Variants in CCDC126 observed in about 807,000 individuals in gnomAD.
The protein encoded by CCDC126 is coiled-coil domain-containing protein 126.
Under a neutral mutation model 11.7 loss-of-function variants are expected in CCDC126, and 5 were observed. The observed-to-expected ratio is 0.43, with a 90% CI of 0.22 to 0.90. The LOEUF (loss-of-function observed/expected upper bound fraction) is 0.90. Ranked by LOEUF, CCDC126 falls within the 40% of genes least tolerant of loss-of-function variation. The probability of loss-of-function intolerance (pLI) is 0.27; values close to 1 mark genes in which losing one functional copy is unlikely to be tolerated. For missense variants in CCDC126, 150 were observed against 163.1 expected (o/e 0.92, Z 0.44); for synonymous variants, 60 against 61.9 (o/e 0.97, Z 0.14).
chr7:23,602,614 T>C (rs2128013904), intron 2 of CCDC126, among the ~76,000 whole-genome samples: 1 of 152,202 alleles, frequency 6.6e-6, no homozygotes, highest in South Asian at 2.1e-4. Context: ...CTGAGGAAAA[T>C]AGGAATAAGG....
At chr7:23,638,310 G>C (rs1783281189) in intron 3 of CCDC126, among the ~76,000 whole-genome samples, 1 of 146,092 alleles carries the variant, frequency 6.8e-6, no homozygotes, top group Non-Finnish European at 1.5e-5. Flanking sequence ...GAAATCGGAT[G>C]GTTGCCGGGT....
chr7:23,619,772 C>T (rs1782859057), intron 3 of CCDC126, among the ~76,000 whole-genome samples: 1 of 140,110 alleles, frequency 7.1e-6, no homozygotes, highest in South Asian at 2.3e-4. Context: ...TGATGTTCCC[C>T]TTCCTGTGTC....
At position 23,637,203 on chromosome 7, in the gene CCDC126, T is replaced by TG. The variant is rs1207219491; in HGVS notation, c.239-5721dup. 6.6e-5 allele frequency among the ~76,000 whole-genome samples: 2 copies of TG among 30,404 alleles called. 1 individual carries two copies. Among genetic ancestry groups the TG allele is most frequent in the Non-Finnish European group, 1.2e-4 (2 of 16,066 alleles). 19.9% of individuals were successfully genotyped at this position (30,404 alleles called of 152,430 possible). On this transcript the variant is annotated intron_variant, in intron 3 of 3. Transcript: ENST00000307471. The stretch of plus-strand genomic sequence containing the variant: ...CCAGCCGCCCCGTCCGGGAGGGAGG[T>TG]GGGGGGGTCAGCCCCCCGCCCGGCC...
At chr7:23,600,069 G>A (rs1782509134) in intron 2 of CCDC126, among the ~76,000 whole-genome samples, 1 of 152,230 alleles carries the variant, frequency 6.6e-6, no homozygotes, top group Non-Finnish European at 1.5e-5. Flanking sequence ...ACAGGCATGA[G>A]CCACCACGCC....
chr7:23,614,766 G>A (rs952309999), intron 3 of CCDC126, among the ~76,000 whole-genome samples: 1 of 152,178 alleles, frequency 6.6e-6, no homozygotes, highest in African/African-American at 2.4e-5. Context: ...ACATTGTCAA[G>A]GAGCAGTAAT....
At chr7:23,638,184 TCTGCCCGGC>T (rs1208174700) in intron 3 of CCDC126, among the ~76,000 whole-genome samples, 1 of 151,652 alleles carries the variant, frequency 6.6e-6, no homozygotes, top group Non-Finnish European at 1.5e-5. Context: ...GAGGAGCCCC[TCTGCCCGGC>T]CACGACCCCG....
intron 3 of CCDC126, among the ~76,000 whole-genome samples, chr7:23,626,858 A>G (rs1009029841): frequency 4.6e-5 from 7 of 152,252 alleles, no homozygotes; most frequent in Non-Finnish European, 8.8e-5. Flanking sequence ...ATTCAACTTT[A>G]TAATGACCTG....
At chr7:23,622,829 C>CT (rs1466068600) in intron 3 of CCDC126, 2 of 424,192 alleles carry the variant, frequency 4.7e-6, no homozygotes, top group African/African-American at 2.1e-5. Flanking sequence ...CATTCTAAAT[C>CT]TTACAAGACA....
At chr7:23,608,671 G>A (rs916746259) in intron 2 of CCDC126, among the ~76,000 whole-genome samples, 15 of 152,146 alleles carry the variant, frequency 9.9e-5, no homozygotes, top group African/African-American at 3.6e-4. Flanking sequence ...ATAATGAAGT[G>A]TATCTGACTG....
chr7:23,644,119 TAA>T lies in CCDC126; in HGVS notation c.*1005_*1006del, dbSNP rs1358804686. 1 of 152,004 alleles carries T rather than the reference TAA, an allele frequency of 6.6e-6. No individual in the cohort carries two copies. The highest frequency in any genetic ancestry group is 2.4e-5 in the African/African-American group (1 of 41,400). The allele number at this position is 152,004 out of a possible 1,614,324, so 9.4% of individuals were successfully genotyped here. ...TGGAAAATGTTAACATTATATTATA[TAA>T]GAGTATCCTTTATGAAATTTTGAAT... On this transcript the variant is annotated 3_prime_UTR_variant, in exon 4 of 4. Transcript: ENST00000307471.
chr7:23,617,312 C>G (rs1782809884), intron 3 of CCDC126, among the ~76,000 whole-genome samples: 1 of 130,650 alleles, frequency 7.7e-6, no homozygotes, highest in African/African-American at 3.0e-5. Context: ...TGCACCACTG[C>G]TCTCTAATCT....
intron 2 of CCDC126, 194 bp downstream of exon 2, chr7:23,598,245 A>G (rs1417832962): frequency 1.3e-5 from 2 of 152,242 alleles, no homozygotes; most frequent in African/African-American, 4.8e-5. Flanking sequence ...AATTAGGAAT[A>G]TAGACCTATA....
At position 23,611,249 on chromosome 7, in the gene CCDC126, G is replaced by T; in HGVS notation, c.-67G>T. 6 of 912,838 alleles carry T rather than the reference G, an allele frequency of 6.6e-6. No homozygotes were observed. The highest frequency in any genetic ancestry group is 1.4e-5 in the South Asian group (1 of 69,274). 56.5% of individuals were successfully genotyped at this position (912,838 alleles called of 1,614,324 possible). ...GATATTTTTTTCTTTTTTTTTTCAA[G>T]TCTTGATTTGTGGCTTACCTCAAGT... On this transcript the variant is annotated 5_prime_UTR_variant, in exon 3 of 4. Transcript: ENST00000307471.
intron 3 of CCDC126, among the ~76,000 whole-genome samples, chr7:23,625,528 G>A (rs1405256982): frequency 6.6e-6 from 1 of 151,790 alleles, no homozygotes; most frequent in African/African-American, 2.4e-5. Flanking sequence ...TTTCAGGGGA[G>A]GTTAAAAGAT....
chr7:23,631,032 A>G (rs1201468817), intron 3 of CCDC126, among the ~76,000 whole-genome samples: 2 of 152,120 alleles, frequency 1.3e-5, no homozygotes, highest in Non-Finnish European at 2.9e-5. Context: ...AGATTTATGC[A>G]CTAAGTGCAT....
At chr7:23,612,262 GC>G (rs1342860948) in intron 3 of CCDC126, among the ~76,000 whole-genome samples, 1 of 151,208 alleles carries the variant, frequency 6.6e-6, no homozygotes, top group African/African-American at 2.4e-5. Flanking sequence ...TTTGAGACTA[GC>G]CTAGTAGCCT....
intron 2 of CCDC126, among the ~76,000 whole-genome samples, chr7:23,599,847 C>T (rs906102811): frequency 6.6e-6 from 1 of 152,088 alleles, no homozygotes; most frequent in African/African-American, 2.4e-5. Flanking sequence ...TGCAGTGGTG[C>T]GATCTCTGCA....
At chr7:23,621,117 A>C (rs11971580) in intron 3 of CCDC126, among the ~76,000 whole-genome samples, 27,950 of 152,134 alleles carry the variant, frequency 0.18, 2,915 homozygotes, top group Non-Finnish European at 0.25. Flanking sequence ...TCTGTGAAGA[A>C]AGTCATTGGT....
chr7:23,624,148 G>T (rs916630292), intron 3 of CCDC126, among the ~76,000 whole-genome samples: 6 of 152,094 alleles, frequency 3.9e-5, no homozygotes, highest in African/African-American at 1.4e-4. Context: ...TGTTACTGTG[G>T]TCTCCTTTCT....
Sources: gnomAD v4.1 joint callset for allele counts (sites outside exome capture counted in the v4.1 genomes callset) on GRCh38, gnomAD v4.1.1 for gene constraint, MANE v1.5 for transcripts, NCBI Gene and HGNC (gene_info 2026-07-23, HGNC 2026-07-21) for gene names.